ASAP1: variants seen among roughly 807,000 people sequenced by gnomAD.
ASAP1 encodes ArfGAP with SH3 domain, ankyrin repeat and PH domain 1.
A neutral mutation model predicts 145.2 loss-of-function variants in ASAP1; 43 were observed. The ratio of observed to expected loss-of-function variants is 0.30; its 90% CI spans 0.23 to 0.38. The LOEUF is 0.38. ASAP1 is among the 10% of genes least tolerant of loss of function. ASAP1 has a pLI of 1.00. For synonymous variants in ASAP1, 546 were observed against 515.5 expected, an observed-to-expected ratio of 1.06 and a Z score of -0.80; for missense variants, 1,018 against 1,355.3, an observed-to-expected ratio of 0.75 and a Z score of 3.91.
At chr8:130,167,110 C>T (rs1233366236) in intron 11 of ASAP1, among the ~76,000 whole-genome samples, 1 of 151,994 alleles carries the variant, frequency 6.6e-6, no homozygotes, top group African/African-American at 2.4e-5. Flanking sequence ...TCAAGACCAG[C>T]CAGGGCAACA....
intron 3 of ASAP1, among the ~76,000 whole-genome samples, chr8:130,306,505 C>A (rs1041445149): frequency 6.6e-6 from 1 of 152,104 alleles, no homozygotes; most frequent in Non-Finnish European, 1.5e-5. Flanking sequence ...TAACATAAAG[C>A]CCCCAAGGAT....
chr8:130,414,524 C>T (rs1414579684), intron 1 of ASAP1, among the ~76,000 whole-genome samples: 1 of 152,176 alleles, frequency 6.6e-6, no homozygotes, highest in Admixed American at 6.5e-5. Flanking sequence ...ATCTGTAAAA[C>T]TGGCATTAAT....
intron 11 of ASAP1, chr8:130,160,941 A>C: frequency 2.2e-6 from 1 of 458,038 alleles, no homozygotes; most frequent in Non-Finnish European, 3.6e-6. Context: ...CAGAAAACAC[A>C]TACACCTCTA....
At chr8:130,332,203 G>A (rs926718410) in intron 3 of ASAP1, among the ~76,000 whole-genome samples, 1 of 152,196 alleles carries the variant, frequency 6.6e-6, no homozygotes, top group African/African-American at 2.4e-5. Context: ...TACAGCTTCT[G>A]CTCTGCATCT....
chr8:130,231,668 T>A (rs1221823681), intron 4 of ASAP1, among the ~76,000 whole-genome samples: 1 of 152,244 alleles, frequency 6.6e-6, no homozygotes, highest in East Asian at 1.9e-4. Context: ...ACCTGTGTTG[T>A]GTGAGAATGT....
Position 130,212,270 on chromosome 8 carries a change from A to G in ASAP1, c.405+2286T>C, listed in dbSNP as rs184682768. 1.4e-4 allele frequency among the ~76,000 whole-genome samples: 21 copies of G among 152,352 alleles called. No homozygotes were observed. In the East Asian group the frequency reaches 4.0e-3, roughly 29 times the overall value. On this transcript the variant is annotated intron_variant, in intron 5 of 29. Coordinates refer to ENST00000518721, the MANE Select transcript of ASAP1 (RefSeq NM_018482.4). ...CCAGGAATGCCACCACCACTTTCAA[A>G]GGCAAAATTTGTTTTCCTTTACTAA...
intron 3 of ASAP1, among the ~76,000 whole-genome samples, chr8:130,297,368 C>A (rs1341328483): frequency 6.6e-6 from 1 of 152,208 alleles, no homozygotes; most frequent in Non-Finnish European, 1.5e-5. Flanking sequence ...ACTGCATTTT[C>A]AATCCACGTT....
At chr8:130,174,592 C>T (rs1281080092) in intron 9 of ASAP1, among the ~76,000 whole-genome samples, 5 of 152,142 alleles carry the variant, frequency 3.3e-5, no homozygotes, top group African/African-American at 9.7e-5. Flanking sequence ...AACTTTCAGC[C>T]CCACCCCTCC....
chr8:130,412,461 T>C (rs905254875), intron 1 of ASAP1, among the ~76,000 whole-genome samples: 4 of 151,818 alleles, frequency 2.6e-5, no homozygotes, highest in Non-Finnish European at 5.9e-5. Flanking sequence ...CCTTCTACCA[T>C]GATTTTAAGT....
intron 2 of ASAP1, among the ~76,000 whole-genome samples, chr8:130,391,753 T>C (rs560549417): frequency 6.6e-6 from 1 of 152,364 alleles, no homozygotes; most frequent in East Asian, 1.9e-4. Flanking sequence ...ATACAGTAAA[T>C]GTAATAATGT....
chr8:130,435,163 C>G (rs567350307), intron 1 of ASAP1, among the ~76,000 whole-genome samples: 2 of 152,126 alleles, frequency 1.3e-5, no homozygotes, highest in South Asian at 4.1e-4. Flanking sequence ...ATCCCCTTTA[C>G]GCAGGTGGGG....
chr8:130,156,974 TA>T (rs1411926058), intron 12 of ASAP1, among the ~76,000 whole-genome samples: 1 of 152,200 alleles, frequency 6.6e-6, no homozygotes, highest in East Asian at 1.9e-4. Flanking sequence ...AGAGTAGTGT[TA>T]AAAAATGACT....
At chr8:130,160,542 A>G (rs2097666991) in intron 11 of ASAP1, among the ~76,000 whole-genome samples, 1 of 118,116 alleles carries the variant, frequency 8.5e-6, no homozygotes, top group Non-Finnish European at 1.7e-5. Context: ...AGCAGTGAAA[A>G]GTGTTATGAT....
chr8:130,266,035 A>C (rs1820223031), intron 3 of ASAP1, among the ~76,000 whole-genome samples: 1 of 152,200 alleles, frequency 6.6e-6, no homozygotes, highest in Admixed American at 6.5e-5. Context: ...AAGGGAGCTT[A>C]GGTTTCAACA....
At chr8:130,054,892 T>A (rs1241527963) in intron 29 of ASAP1, 87 bp from the exon 30 acceptor site, 1 of 1,049,442 alleles carries the variant, frequency 9.5e-7, no homozygotes, top group East Asian at 2.4e-5. Flanking sequence ...CAGCCTAGTC[T>A]GCCCACAGAC....
At chr8:130,117,142 T>C (rs2135638475) in intron 20 of ASAP1, 147 bp from the exon 21 acceptor site, 1 of 598,890 alleles carries the variant, frequency 1.7e-6, no homozygotes, top group African/African-American at 1.9e-5. Context: ...CTAACCTAGA[T>C]TTATAAGCAA....
intron 3 of ASAP1, among the ~76,000 whole-genome samples, chr8:130,299,376 G>T (rs1390585957): frequency 6.6e-6 from 1 of 152,196 alleles, no homozygotes; most frequent in African/African-American, 2.4e-5. Flanking sequence ...AATACAAAAG[G>T]TAAAAAAGTA....
chr8:130,313,377 C>G (rs954648053), intron 3 of ASAP1, among the ~76,000 whole-genome samples: 2 of 151,816 alleles, frequency 1.3e-5, no homozygotes, highest in Non-Finnish European at 2.9e-5. Context: ...TCAATGAGAT[C>G]ACGTATAAAT....
intron 2 of ASAP1, among the ~76,000 whole-genome samples, chr8:130,374,438 G>T (rs1287648169): frequency 6.6e-6 from 1 of 152,236 alleles, no homozygotes; most frequent in African/African-American, 2.4e-5. Flanking sequence ...GGGAGTCCAA[G>T]GCAGGAGGAT....
Sources: allele counts gnomAD v4.1 joint callset (sites outside exome capture counted in the v4.1 genomes callset), GRCh38; gene constraint gnomAD v4.1.1; transcripts MANE v1.5; gene names NCBI Gene and HGNC (gene_info 2026-07-23, HGNC 2026-07-21).